SPECC1: variants seen among roughly 807,000 people sequenced by gnomAD.
SPECC1 encodes sperm antigen with calponin homology and coiled-coil domains 1, also known as cytospin-B.
SPECC1 carries 62 observed loss-of-function variants against 104.1 expected under a neutral mutation model. The observed-to-expected ratio is 0.60, with a 90% CI of 0.49 to 0.74. The LOEUF (loss-of-function observed/expected upper bound fraction) is 0.74, where lower values mean the gene tolerates loss of function less well. Ranked by LOEUF, SPECC1 falls within the 30% of genes least tolerant of loss-of-function variation. The probability of loss-of-function intolerance (pLI) is 0.00; values close to 1 mark genes in which losing one functional copy is unlikely to be tolerated. For synonymous variants in SPECC1, 513 were observed against 501.6 expected, an observed-to-expected ratio of 1.02 and a Z score of -0.30; for missense variants, 1,306 against 1,310.5, an observed-to-expected ratio of 1.00 and a Z score of 0.05.
At chr17:20,313,044 T>G (rs1200626101) in intron 14 of SPECC1, among the ~76,000 whole-genome samples, 1 of 152,174 alleles carries the variant, frequency 6.6e-6, no homozygotes, top group Admixed American at 6.5e-5. Context: ...AATCCCAAAG[T>G]TAATTATTAA....
intron 3 of SPECC1, among the ~76,000 whole-genome samples, chr17:20,174,376 C>T (rs1597882447): frequency 6.6e-6 from 1 of 152,276 alleles, no homozygotes. Flanking sequence ...GATAATTGAT[C>T]TTCCTGGTTA....
chr17:20,122,162 T>C (rs947646720), intron 3 of SPECC1, among the ~76,000 whole-genome samples: 1 of 151,728 alleles, frequency 6.6e-6, no homozygotes, highest in Admixed American at 6.6e-5. Context: ...GAACAAGCAG[T>C]TGGGGAGGAG....
intron 12 of SPECC1, among the ~76,000 whole-genome samples, chr17:20,293,321 A>G (rs1454618885): frequency 6.6e-6 from 1 of 152,076 alleles, no homozygotes; most frequent in African/African-American, 2.4e-5. Context: ...GAACCTCTTC[A>G]CACACACTTT....
intron 3 of SPECC1, among the ~76,000 whole-genome samples, chr17:20,144,170 CTTTT>C (rs1290507839): frequency 1.2e-5 from 1 of 83,634 alleles, no homozygotes; most frequent in Non-Finnish European, 2.6e-5. Flanking sequence ...CTGTTTTTTT[CTTTT>C]CTTTTTTTTT....
intron 3 of SPECC1, among the ~76,000 whole-genome samples, chr17:20,200,581 T>G (rs546596147): frequency 1.0e-3 from 158 of 152,320 alleles, no homozygotes; most frequent in African/African-American, 3.6e-3. Context: ...TGGTGCTGTG[T>G]AAGGAAGCAT....
At chr17:20,029,705 C>T (rs2044732902) in intron 1 of SPECC1, among the ~76,000 whole-genome samples, 1 of 152,088 alleles carries the variant, frequency 6.6e-6, no homozygotes, top group Non-Finnish European at 1.5e-5. Context: ...AATTTGTTGG[C>T]ACACATTTGT....
intron 3 of SPECC1, among the ~76,000 whole-genome samples, chr17:20,138,547 C>A (rs540119069): frequency 2.6e-4 from 39 of 152,248 alleles, no homozygotes; most frequent in African/African-American, 8.4e-4. Context: ...ATCCCTAGTC[C>A]CTGGAAACCA....
At chr17:20,051,132 CTTTCTTTCCTT>C (rs2045755502) in intron 1 of SPECC1, among the ~76,000 whole-genome samples, 2 of 115,010 alleles carry the variant, frequency 1.7e-5, no homozygotes, top group Admixed American at 8.6e-5. Flanking sequence ...TTCTTTCTTT[CTTTCTTTCCTT>C]CTTTCCTTCT....
intron 14 of SPECC1, among the ~76,000 whole-genome samples, chr17:20,308,063 A>T (rs1598178787): frequency 6.6e-6 from 1 of 152,312 alleles, no homozygotes; most frequent in East Asian, 1.9e-4. Flanking sequence ...CTCATTAGGG[A>T]TTGGGAAAAT....
At chr17:20,058,327 T>G (rs887910627) in intron 1 of SPECC1, among the ~76,000 whole-genome samples, 1 of 152,188 alleles carries the variant, frequency 6.6e-6, no homozygotes, top group African/African-American at 2.4e-5. Flanking sequence ...ATGACTGTAG[T>G]GCGACTTAAA....
chr17:20,101,250 C>T (rs898178710), intron 2 of SPECC1, among the ~76,000 whole-genome samples: 19 of 152,148 alleles, frequency 1.2e-4, no homozygotes, highest in African/African-American at 4.1e-4. Context: ...CACTGTCTTC[C>T]ACAATGGTTG....
intron 4 of SPECC1, among the ~76,000 whole-genome samples, chr17:20,217,515 T>C (rs2037575038): frequency 6.6e-6 from 1 of 152,128 alleles, no homozygotes; most frequent in Non-Finnish European, 1.5e-5. Context: ...GGCTGCCTCG[T>C]TACATCCTCA....
At position 20,181,213 on chromosome 17, in the gene SPECC1, TAAGAA is replaced by T. The variant is rs2034861228; in HGVS notation, c.284-23113_284-23109del. Among the ~76,000 whole-genome samples the T allele has an allele frequency of 2.0e-5, 3 of 151,952 alleles. No homozygotes were observed. In the East Asian group the frequency reaches 5.8e-4, roughly 29 times the overall value. On this transcript the variant is annotated intron_variant, in intron 3 of 14. Transcript: ENST00000395527. ...ATAATCTTAGATGCTTTTATTAGTATAAGAAAAGAAAGACTGAAAATATAAGAGCG... is the reference window on the plus strand; with the variant it reads ...ATAATCTTAGATGCTTTTATTAGTATAAGAAAGACTGAAAATATAAGAGCG...
intron 3 of SPECC1, among the ~76,000 whole-genome samples, chr17:20,137,917 C>T (rs1217756811): frequency 6.6e-6 from 1 of 151,956 alleles, no homozygotes; most frequent in East Asian, 1.9e-4. Flanking sequence ...TCCGCCCTTC[C>T]ACCTCCCAAA....
intron 2 of SPECC1, among the ~76,000 whole-genome samples, chr17:20,109,048 C>A (rs1438101602): frequency 6.6e-6 from 1 of 152,192 alleles, no homozygotes; most frequent in Non-Finnish European, 1.5e-5. Flanking sequence ...CATGAGTGTT[C>A]CAGTTGCTTC....
chr17:20,267,204 C>T (rs1465831106), intron 12 of SPECC1, among the ~76,000 whole-genome samples: 4 of 152,162 alleles, frequency 2.6e-5, no homozygotes. Context: ...ATAAGTCACT[C>T]CTGGAAAGGC....
intron 2 of SPECC1, among the ~76,000 whole-genome samples, chr17:20,097,111 C>T (rs112182205): frequency 1.1e-4 from 17 of 152,308 alleles, no homozygotes; most frequent in South Asian, 6.2e-4. Context: ...AGGTCATGCA[C>T]GATCTTTGCA....
At chr17:20,066,433 G>A (rs1198814661) in intron 1 of SPECC1, among the ~76,000 whole-genome samples, 1 of 152,166 alleles carries the variant, frequency 6.6e-6, no homozygotes, top group Non-Finnish European at 1.5e-5. Context: ...AACTTAGCCT[G>A]CACGGAGATT....
chr17:20,209,356 C>A (rs955631022), intron 4 of SPECC1, among the ~76,000 whole-genome samples: 3 of 152,116 alleles, frequency 2.0e-5, no homozygotes, highest in African/African-American at 7.2e-5. Context: ...GAAAGTGGTG[C>A]CAAACCATCC....
Sources: allele counts gnomAD v4.1 joint callset (sites outside exome capture counted in the v4.1 genomes callset), GRCh38; gene constraint gnomAD v4.1.1; transcripts MANE v1.5; gene names NCBI Gene and HGNC (gene_info 2026-07-23, HGNC 2026-07-21).